TLE6: variants seen among roughly 807,000 people sequenced by gnomAD.
TLE6 encodes TLE family member 6, subcortical maternal complex member.
Under a neutral mutation model 77.1 loss-of-function variants are expected in TLE6, and 72 were observed. The observed-to-expected ratio is 0.93, with a 90% CI of 0.77 to 1.14. The LOEUF (loss-of-function observed/expected upper bound fraction) is 1.14, where lower values mean the gene tolerates loss of function less well. Ranked by LOEUF, TLE6 falls within the 50% of genes most tolerant of loss-of-function variation. TLE6 has a pLI of 0.00. For missense variants in TLE6, 843 were observed against 747.6 expected (o/e 1.13, Z -1.49); for synonymous variants, 366 against 287.3 (o/e 1.27, Z -2.77).
chr19:2,981,495 C>G, intron 3 of TLE6, 43 bp from the exon 4 acceptor site: 2 of 1,549,130 alleles, frequency 1.3e-6, no homozygotes, highest in Non-Finnish European at 1.7e-6. Flanking sequence ...GGGAGGGAGT[C>G]CTGAAGCCAC....
At chr19:2,993,360 A>G (rs2089128025) in intron 14 of TLE6, 72 bp from the exon 15 acceptor site, 13 of 1,504,480 alleles carry the variant, frequency 8.6e-6, no homozygotes, top group Non-Finnish European at 8.9e-7. Flanking sequence ...ATAGGTCCCC[A>G]GGCTCCTGCC....
intron 5 of TLE6, chr19:2,983,794 A>G (rs1400457109): frequency 6.5e-6 from 1 of 152,816 alleles, no homozygotes; most frequent in Non-Finnish European, 1.5e-5. Context: ...GAAGCCCGGG[A>G]ACCAGTTAGG....
chr19:2,984,524 G>A (rs538659290), intron 5 of TLE6: 1 of 152,398 alleles, frequency 6.6e-6, no homozygotes, highest in East Asian at 1.9e-4. Flanking sequence ...CTGGAGTGCA[G>A]TGGGAGGATC....
In TLE6 at chr19:2,991,960, T is replaced by A; in HGVS notation, c.1362T>A (p.Pro454=). ...GGGACCAGAGGACCATCATGAAACC[T>A]CTGGAGTACCAATTCAAGTCTCAGG... ...RCWDQRTIMK[P]LEYQFKSQIM... Residue 454 remains proline, a synonymous_variant, in exon 14 of 17, where the codon CCT becomes CCA. Coordinates refer to ENST00000246112, the MANE Select transcript of TLE6 (RefSeq NM_001143986.2). The A allele has an allele frequency of 6.2e-7, 1 of 1,613,914 alleles. No individual in the cohort carries two copies. The highest frequency in any genetic ancestry group is 1.1e-5 in the South Asian group (1 of 91,060).
At position 2,991,914 on chromosome 19, in the gene TLE6, C is replaced by A; in HGVS notation, c.1316C>A (p.Pro439Gln). The A allele has an allele frequency of 6.2e-7, 1 of 1,613,852 alleles. No individual in the cohort carries two copies. Among genetic ancestry groups the A allele is most frequent in the Non-Finnish European group, 8.5e-7 (1 of 1,179,972 alleles). Residue 439 changes from proline (P) to glutamine (Q), a missense_variant, in exon 14 of 17, where the codon CCG becomes CAG. Coordinates refer to ENST00000246112, the MANE Select transcript of TLE6 (RefSeq NM_001143986.2). ...GGCTACAACATCTGGACTGGGGGTC[C>A]GGATGCCTGTCTGCGGTGCTGGGAC... Reference protein sequence around the residue: ...VKGYNIWTGGPDACLRCWDQR... With the variant: ...VKGYNIWTGGQDACLRCWDQR...
chr19:2,978,132 G>A (rs1023446323), intron 1 of TLE6, 66 bp from the exon 2 acceptor site: 4 of 1,254,674 alleles, frequency 3.2e-6, no homozygotes, highest in Non-Finnish European at 4.5e-6. Flanking sequence ...GGTAACGGGT[G>A]CCTTGCTTCC....
intron 8 of TLE6, 77 bp downstream of exon 8, chr19:2,987,449 T>TG (rs2088940801): frequency 6.3e-7 from 1 of 1,589,426 alleles, no homozygotes. Context: ...GTCAGGGCAC[T>TG]GGGGTTCCTG....
rs376634852 is a variant in TLE6, at chr19:2,981,505, C to T, written c.135-33C>T. ...CTCTGGGGAGGGAGTCCTGAAGCCA[C>T]AGGTCTTCCAGCCTGTCCTCCTTCC... On this transcript the variant is annotated intron_variant, in intron 3 of 16. Coordinates refer to ENST00000246112, the MANE Select transcript of TLE6 (RefSeq NM_001143986.2). 107 of 1,551,070 alleles carry T rather than the reference C, an allele frequency of 6.9e-5. No individual in the cohort carries two copies. The African/African-American group carries it at 1.2e-3, about 17-fold the overall frequency.
rs184836232 is a variant in TLE6 at position 2,990,010 on chromosome 19, T to C, written c.1244+225T>C. Among the ~76,000 whole-genome samples, 720 of 152,254 alleles carry C rather than the reference T, an allele frequency of 4.7e-3. 5 individuals are homozygous for C. The highest frequency in any genetic ancestry group is 5.5e-3 in the Non-Finnish European group (376 of 68,014). On this transcript the variant is annotated intron_variant, in intron 13 of 16. Coordinates refer to ENST00000246112, the MANE Select transcript of TLE6 (RefSeq NM_001143986.2). The stretch of plus-strand genomic sequence containing the variant: ...ACTGCGTTCCTTGCAGCCCAGGGCA[T>C]TTTACTTTTTGTCTGCCTCAGTTTC...
At chr19:2,987,583 C>A (rs1568213824) in intron 8 of TLE6, 141 bp from the exon 9 acceptor site, 1 of 1,132,630 alleles carries the variant, frequency 8.8e-7, no homozygotes, top group Non-Finnish European at 1.3e-6. Flanking sequence ...TATACCCTGA[C>A]TCTCTCTCTG....
chr19:2,987,623 C>G, intron 8 of TLE6, 101 bp from the exon 9 acceptor site: 1 of 1,383,654 alleles, frequency 7.2e-7, no homozygotes, highest in Non-Finnish European at 1.0e-6. Flanking sequence ...AGACAGGACC[C>G]CAGGCAGCTG....
intron 2 of TLE6, among the ~76,000 whole-genome samples, chr19:2,979,327 A>G (rs942831223): frequency 6.7e-6 from 1 of 150,134 alleles, no homozygotes; most frequent in African/African-American, 2.5e-5. Flanking sequence ...GCTCACTGCA[A>G]CCTCCACCTC....
rs959466465 is a variant in TLE6, at chr19:2,989,266, G to A, written c.946G>A (p.Gly316Arg). 1.9e-6 allele frequency: 3 copies of A among 1,613,580 alleles called. No individual in the cohort carries two copies. Among genetic ancestry groups the A allele is most frequent in the African/African-American group, 2.7e-5 (2 of 74,954 alleles). ...RRGIKVWSLT[G>R]QVAEDRFPES... is the part of the protein sequence containing the mutation. ...AGGCATCAAGGTGTGGAGCCTGACT[G>A]GACAGGTGGCTGAGGACAGGTTCCC... The change falls in exon 12 of 17, where the codon GGA becomes AGA. Residue 316 changes from glycine (G) to arginine (R), a missense_variant. Transcript: ENST00000246112.
At chr19:2,978,097 T>C (rs930427339) in intron 1 of TLE6, 101 bp from the exon 2 acceptor site, 53 of 844,816 alleles carry the variant, frequency 6.3e-5, no homozygotes, top group Non-Finnish European at 8.8e-5. Flanking sequence ...CCCTGGAGAC[T>C]TACCAAACTG....
At chr19:2,984,867 G>A (rs530811526) in intron 5 of TLE6, among the ~76,000 whole-genome samples, 2 of 152,212 alleles carry the variant, frequency 1.3e-5, no homozygotes, top group Admixed American at 6.5e-5. Context: ...TATTGATCTC[G>A]ATTTTATTCT....
In TLE6 at chr19:2,995,130, G is replaced by C; in HGVS notation, c.*126G>C. On this transcript the variant is annotated 3_prime_UTR_variant, in exon 17 of 17. Transcript: ENST00000246112. Reference sequence around the variant, plus strand: ...TCTGTGGCATCGCACGATCTAGTCTGTGGTGTAGACTGGTCGCCATCACGT... The same window carrying C: ...TCTGTGGCATCGCACGATCTAGTCTCTGGTGTAGACTGGTCGCCATCACGT... The C allele has an allele frequency of 1.6e-6, 1 of 633,872 alleles. No homozygotes were observed. The allele number at this position is 633,872 out of a possible 1,614,324, so 39.3% of individuals were successfully genotyped here.
intron 11 of TLE6, among the ~76,000 whole-genome samples, chr19:2,988,339 G>A (rs575542035): frequency 2.6e-5 from 4 of 152,122 alleles, no homozygotes; most frequent in Non-Finnish European, 1.5e-5. Context: ...GCTCACGCCT[G>A]TAATCCCAGC....
chr19:2,990,058 C>T (rs1328081886), intron 13 of TLE6, among the ~76,000 whole-genome samples: 1 of 152,088 alleles, frequency 6.6e-6, no homozygotes, highest in African/African-American at 2.4e-5. Context: ...CAGGATGTGA[C>T]AGCCCCAAAC....
In TLE6 at chr19:2,989,125, A is replaced by G. The variant is rs147398793; in HGVS notation, c.805A>G (p.Lys269Glu). Residue 269 changes from lysine to glutamate, a missense_variant, in exon 12 of 17, where the codon AAG becomes GAG. Physicochemically the swap from Lys to Glu is moderately conservative, Grantham distance 56 (BLOSUM62 1). Coordinates refer to ENST00000246112, the MANE Select transcript of TLE6 (RefSeq NM_001143986.2). ...KRPDALPGQS[K>E]RLAVPCKLEK... ...GCCAGATGCCTTGCCCGGGCAGTCA[A>G]AGAGACTCGCCGTCCCGTGCAAACT... The G allele has an allele frequency of 1.7e-4, 282 of 1,614,034 alleles. No individual in the cohort carries two copies. The highest frequency in any genetic ancestry group is 2.3e-4 in the Non-Finnish European group (272 of 1,180,054).
Sources: gnomAD v4.1 joint callset for allele counts (sites outside exome capture counted in the v4.1 genomes callset) on GRCh38, gnomAD v4.1.1 for gene constraint, MANE v1.5 for transcripts, NCBI Gene and HGNC (gene_info 2026-07-23, HGNC 2026-07-21) for gene names.